The following SMAP1 variants were observed in gnomAD, a reference collection of about 807,000 sequenced individuals.
The protein encoded by SMAP1 is stromal membrane-associated protein 1.
In SMAP1, 24 loss-of-function variants were observed where a neutral mutation model predicts 58.5. The ratio of observed to expected loss-of-function variants is 0.41; its 90% CI spans 0.30 to 0.58. The LOEUF is 0.58. Among genes scored for constraint, SMAP1 ranks in the 20% least tolerant of loss-of-function variants. The pLI, the probability that SMAP1 is intolerant of heterozygous loss-of-function variation, is 0.29. For missense variants in SMAP1, 563 were observed against 566.3 expected (o/e 0.99, Z 0.06); for synonymous variants, 216 against 196.6 (o/e 1.10, Z -0.82).
chr6:70,738,864 A>G (rs960627498), intron 2 of SMAP1, among the ~76,000 whole-genome samples: 2 of 152,206 alleles, frequency 1.3e-5, no homozygotes, highest in Admixed American at 1.3e-4. Flanking sequence ...TTAGGATTAT[A>G]AGAGGAGATG....
chr6:70,756,605 G>A (rs10455707), intron 3 of SMAP1, among the ~76,000 whole-genome samples: 65,988 of 151,800 alleles, frequency 0.43, 14,691 homozygotes, highest in South Asian at 0.5. Flanking sequence ...TCCAAATTGC[G>A]AAGGGTTTTC....
chr6:70,838,240 T>C (rs1048552867), intron 7 of SMAP1, among the ~76,000 whole-genome samples: 4 of 152,204 alleles, frequency 2.6e-5, no homozygotes, highest in Admixed American at 2.6e-4. Flanking sequence ...CCTGGTTTAT[T>C]AGTTCATAAC....
At chr6:70,820,103 T>C (rs1391376738) in intron 6 of SMAP1, among the ~76,000 whole-genome samples, 4 of 152,174 alleles carry the variant, frequency 2.6e-5, no homozygotes, top group Non-Finnish European at 5.9e-5. Flanking sequence ...GCTATAGGGA[T>C]GTGATTAAAG....
intron 6 of SMAP1, among the ~76,000 whole-genome samples, chr6:70,828,132 C>G (rs1770212582): frequency 6.6e-6 from 1 of 151,920 alleles, no homozygotes; most frequent in African/African-American, 2.4e-5. Context: ...AGCTATCAAT[C>G]TATATAGGAA....
intron 4 of SMAP1, among the ~76,000 whole-genome samples, chr6:70,783,198 G>C (rs375050869): frequency 6.6e-6 from 1 of 152,178 alleles, no homozygotes; most frequent in Non-Finnish European, 1.5e-5. Context: ...ACAGGGTCTG[G>C]AGTGGACCTC....
intron 3 of SMAP1, among the ~76,000 whole-genome samples, chr6:70,772,702 C>T (rs896453450): frequency 4.1e-4 from 63 of 152,148 alleles, no homozygotes; most frequent in African/African-American, 1.4e-3. Context: ...AGAAGACTAA[C>T]GTTGGCTTTA....
At chr6:70,802,252 T>C (rs1768893485) in intron 6 of SMAP1, among the ~76,000 whole-genome samples, 1 of 152,198 alleles carries the variant, frequency 6.6e-6, no homozygotes, top group Non-Finnish European at 1.5e-5. Context: ...GTTGGATTCC[T>C]AGGTATTTTA....
At chr6:70,761,445 C>G (rs554671253) in intron 3 of SMAP1, among the ~76,000 whole-genome samples, 3 of 152,106 alleles carry the variant, frequency 2.0e-5, no homozygotes, top group African/African-American at 7.2e-5. Context: ...TGATCTATGT[C>G]AGTATAACTA....
chr6:70,755,373 T>A (rs1467895941), intron 3 of SMAP1, among the ~76,000 whole-genome samples: 1 of 152,048 alleles, frequency 6.6e-6, no homozygotes, highest in Non-Finnish European at 1.5e-5. Context: ...GAAAGCAGTA[T>A]GCGTTTGGTA....
chr6:70,804,199 T>G (rs2149960503), intron 6 of SMAP1, among the ~76,000 whole-genome samples: 1 of 152,334 alleles, frequency 6.6e-6, no homozygotes, highest in South Asian at 2.1e-4. Flanking sequence ...ATATTTAGGA[T>G]AGTTAGCTCT....
intron 3 of SMAP1, among the ~76,000 whole-genome samples, chr6:70,758,386 G>A (rs1199435811): frequency 9.0e-6 from 1 of 110,856 alleles, no homozygotes; most frequent in Non-Finnish European, 1.8e-5. Flanking sequence ...GGGGGGAGGG[G>A]GGAGGGATAG....
rs890787713 is a variant in SMAP1 at position 70,798,838 on chromosome 6, T to G, written c.576+101T>G. On this transcript the variant is annotated intron_variant, in intron 6 of 10. Coordinates refer to ENST00000370455, the MANE Select transcript of SMAP1 (RefSeq NM_001044305.3). ...GATATTTATAATATGTAAATAATCA[T>G]TATTTTCAACAAGCAATTGTTGAGT... 4.1e-6 allele frequency: 4 copies of G among 976,580 alleles called. No individual in the cohort carries two copies. In the African/African-American group the frequency reaches 6.6e-5, roughly 16 times the overall value. 60.5% of individuals were successfully genotyped at this position (976,580 alleles called of 1,614,324 possible).
chr6:70,770,386 C>G (rs1767224592), intron 3 of SMAP1, among the ~76,000 whole-genome samples: 1 of 152,226 alleles, frequency 6.6e-6, no homozygotes, highest in African/African-American at 2.4e-5. Flanking sequence ...TCAGGTAGAT[C>G]AATCAGACAT....
chr6:70,793,673 A>AGAGAGAGAGAGAG (rs1768467436), intron 5 of SMAP1, among the ~76,000 whole-genome samples: 4 of 149,600 alleles, frequency 2.7e-5, no homozygotes, highest in Admixed American at 2.0e-4. Flanking sequence ...AGAGAGAGAG[A>AGAGAGAGAGAGAG]AAGCTTAAAA....
chr6:70,694,475 CA>C (rs1582013781), intron 1 of SMAP1: 2 of 153,762 alleles, frequency 1.3e-5, no homozygotes, highest in East Asian at 3.8e-4. Context: ...AGTATTACCT[CA>C]GAGACTGGAT....
intron 9 of SMAP1, chr6:70,857,521 A>G (rs1771481001): frequency 5.6e-6 from 1 of 177,016 alleles, no homozygotes; most frequent in Non-Finnish European, 1.2e-5. Context: ...GTGAGCTAAA[A>G]TTGTTGGGCA....
chr6:70,740,933 C>G (rs1209357574), intron 2 of SMAP1, among the ~76,000 whole-genome samples: 1 of 152,154 alleles, frequency 6.6e-6, no homozygotes, highest in Non-Finnish European at 1.5e-5. Flanking sequence ...GGGGTTTCCC[C>G]TTATAAAACC....
At chr6:70,777,143 G>A (rs1767579013) in intron 4 of SMAP1, among the ~76,000 whole-genome samples, 1 of 151,990 alleles carries the variant, frequency 6.6e-6, no homozygotes, top group Non-Finnish European at 1.5e-5. Flanking sequence ...TATCCTCTCT[G>A]GTATCTATCA....
intron 6 of SMAP1, among the ~76,000 whole-genome samples, chr6:70,833,107 A>T (rs1315197482): frequency 2.0e-5 from 3 of 152,192 alleles, no homozygotes; most frequent in African/African-American, 7.2e-5. Context: ...ATGGATATTA[A>T]GCTCTAAAAG....
Sources: gnomAD v4.1 joint callset for allele counts (sites outside exome capture counted in the v4.1 genomes callset) on GRCh38, gnomAD v4.1.1 for gene constraint, MANE v1.5 for transcripts, NCBI Gene and HGNC (gene_info 2026-07-23, HGNC 2026-07-21) for gene names.